CHSY3: variants seen among roughly 807,000 people sequenced by gnomAD.
CHSY3 encodes N-acetylgalactosaminyl-proteoglycan 3-beta-glucuronosyltransferase 3.
CHSY3 carries 35 observed loss-of-function variants against 67.2 expected under a neutral mutation model. That is an observed-to-expected ratio of 0.52 (90% CI 0.40 to 0.69). The LOEUF (loss-of-function observed/expected upper bound fraction) is 0.69, where lower values mean the gene tolerates loss of function less well. Ranked by LOEUF, CHSY3 falls within the 30% of genes least tolerant of loss-of-function variation. CHSY3 has a pLI of 0.00. For missense variants in CHSY3, 1,069 were observed against 1,138.5 expected (o/e 0.94, Z 0.88); for synonymous variants, 474 against 434.7 (o/e 1.09, Z -1.12).
chr5:130,178,253 A>ATTT (rs10699248), intron 2 of CHSY3, among the ~76,000 whole-genome samples: 800 of 45,928 alleles, frequency 0.017, 54 homozygotes, highest in African/African-American at 0.033. Flanking sequence ...ATATATATAT[A>ATTT]TTTTTTTTTT....
At chr5:129,934,057 A>T (rs1039360918) in intron 2 of CHSY3, among the ~76,000 whole-genome samples, 2 of 152,112 alleles carry the variant, frequency 1.3e-5, no homozygotes, top group African/African-American at 4.8e-5. Flanking sequence ...ATGATTTTAG[A>T]TTTGTGTGAA....
chr5:129,956,785 A>G (rs1021089256), intron 2 of CHSY3, among the ~76,000 whole-genome samples: 5 of 151,464 alleles, frequency 3.3e-5, no homozygotes, highest in African/African-American at 1.2e-4. Context: ...GGTTTGCAGC[A>G]TTATTTCTGG....
rs1183646627 is a variant in CHSY3 at position 129,932,140 on chromosome 5, A to ATATATATG, written c.1086+23783_1086+23784insATATGTAT. Among the ~76,000 whole-genome samples the ATATATATG allele has an allele frequency of 2.6e-3, 353 of 136,216 alleles. 10 individuals carry two copies. The highest frequency in any genetic ancestry group is 9.6e-3 in the African/African-American group (325 of 33,812). 89.4% of individuals were successfully genotyped at this position (136,216 alleles called of 152,430 possible). A position where few individuals can be genotyped will look rare whatever the true frequency, so the allele number is the denominator to read the frequency against. On this transcript the variant is annotated intron_variant, in intron 2 of 2. Coordinates refer to ENST00000305031, the MANE Select transcript of CHSY3 (RefSeq NM_175856.5). ...TATATATATATATATATATATATAT[A>ATATATATG]TATGTATATGAGAGTTAGCTATCTA...
At chr5:130,113,036 A>C (rs1011568847) in intron 2 of CHSY3, among the ~76,000 whole-genome samples, 3 of 152,060 alleles carry the variant, frequency 2.0e-5, no homozygotes, top group African/African-American at 7.2e-5. Flanking sequence ...CTTTTGTTTC[A>C]TGTAGTCTGT....
At chr5:130,008,848 A>G (rs962131358) in intron 2 of CHSY3, among the ~76,000 whole-genome samples, 1 of 152,238 alleles carries the variant, frequency 6.6e-6, no homozygotes, top group Admixed American at 6.5e-5. Flanking sequence ...AGCAGAGGTA[A>G]GGTGAGGTAA....
At chr5:130,034,200 A>C (rs907125743) in intron 2 of CHSY3, among the ~76,000 whole-genome samples, 1 of 15,262 alleles carries the variant, frequency 6.6e-5, no homozygotes, top group African/African-American at 8.6e-4. Context: ...ACAGCAGTTA[A>C]GTTTTTCTTT....
At chr5:129,977,684 TAAAAC>T (rs1014141733) in intron 2 of CHSY3, among the ~76,000 whole-genome samples, 78 of 152,152 alleles carry the variant, frequency 5.1e-4, no homozygotes, top group African/African-American at 1.7e-3. Flanking sequence ...TAGGGGAAAA[TAAAAC>T]AGTAAAAAAT....
chr5:129,904,655 C>CCCGCGGCAGTCGAGGCGT lies in CHSY3; in HGVS notation c.-167_-150dup, dbSNP rs1760161290. ...GCGGGAGCCCGGCAGGCAGCTGCAG[C>CCCGCGGCAGTCGAGGCGT]CCGCGGCAGTCGAGGCGTCCGCGGC... On this transcript the variant is annotated 5_prime_UTR_variant, in exon 1 of 3. Coordinates refer to ENST00000305031, the MANE Select transcript of CHSY3 (RefSeq NM_175856.5). 9.6e-7 allele frequency: 1 copy of CCCGCGGCAGTCGAGGCGT among 1,043,436 alleles called. No individual in the cohort carries two copies. The highest frequency in any genetic ancestry group is 4.7e-5 in the South Asian group (1 of 21,356). 64.6% of individuals were successfully genotyped at this position (1,043,436 alleles called of 1,614,324 possible). A position where few individuals can be genotyped will look rare whatever the true frequency, so the allele number is the denominator to read the frequency against.
At chr5:129,911,055 T>C (rs1176547040) in intron 2 of CHSY3, among the ~76,000 whole-genome samples, 1 of 151,678 alleles carries the variant, frequency 6.6e-6, no homozygotes, top group Non-Finnish European at 1.5e-5. Flanking sequence ...GGTGGCATGT[T>C]CATGATTTTT....
In CHSY3 at chr5:130,178,244, TA is replaced by T. The variant is rs1561571850; in HGVS notation, c.1087-5984del. ...ATTTATATTTATATATATATATATA[TA>T]TATATATATTTTTTTTTTTTTTTTT... is the stretch of plus-strand genomic sequence containing the variant. On this transcript the variant is annotated intron_variant, in intron 2 of 2. Coordinates refer to ENST00000305031, the MANE Select transcript of CHSY3 (RefSeq NM_175856.5). 3.5e-4 allele frequency among the ~76,000 whole-genome samples: 26 copies of T among 75,210 alleles called. 2 individuals carry two copies. The highest frequency in any genetic ancestry group is 1.2e-3 in the African/African-American group (21 of 17,640). 49.3% of individuals were successfully genotyped at this position (75,210 alleles called of 152,430 possible). A position where few individuals can be genotyped will look rare whatever the true frequency, so the allele number is the denominator to read the frequency against.
chr5:129,962,768 C>G (rs61353744), intron 2 of CHSY3, among the ~76,000 whole-genome samples: 35 of 152,100 alleles, frequency 2.3e-4, no homozygotes, highest in African/African-American at 8.4e-4. Flanking sequence ...TACATATTAA[C>G]TTGATGGCTG....
intron 2 of CHSY3, among the ~76,000 whole-genome samples, chr5:129,987,886 T>G (rs1763251432): frequency 6.6e-6 from 1 of 152,210 alleles, no homozygotes; most frequent in South Asian, 2.1e-4. Flanking sequence ...GGCTCTTAAG[T>G]AATTTCTTTT....
At chr5:129,936,315 A>T (rs957120776) in intron 2 of CHSY3, among the ~76,000 whole-genome samples, 2 of 152,128 alleles carry the variant, frequency 1.3e-5, no homozygotes, top group East Asian at 1.9e-4. Context: ...ATAGAAGGGA[A>T]TTTTTTTTAA....
chr5:130,181,782 A>G (rs1770257354), intron 2 of CHSY3, among the ~76,000 whole-genome samples: 1 of 152,312 alleles, frequency 6.6e-6, no homozygotes, highest in South Asian at 2.1e-4. Flanking sequence ...CATAAATGGA[A>G]TAATACAAAA....
chr5:130,142,912 A>T (rs1012141507), intron 2 of CHSY3, among the ~76,000 whole-genome samples: 2 of 152,152 alleles, frequency 1.3e-5, no homozygotes, highest in Non-Finnish European at 2.9e-5. Context: ...GGAAAGGAGG[A>T]GCGAGCCAGA....
At chr5:130,053,441 A>G (rs892901306) in intron 2 of CHSY3, among the ~76,000 whole-genome samples, 2 of 152,316 alleles carry the variant, frequency 1.3e-5, no homozygotes, top group East Asian at 1.9e-4. Context: ...GAAGGAATCT[A>G]TAGAGTAGAA....
At chr5:130,124,316 GA>G (rs1317972379) in intron 2 of CHSY3, among the ~76,000 whole-genome samples, 12 of 152,118 alleles carry the variant, frequency 7.9e-5, no homozygotes, top group African/African-American at 2.9e-4. Flanking sequence ...CTCTGCCCCT[GA>G]ATCTTCTTCA....
intron 2 of CHSY3, among the ~76,000 whole-genome samples, chr5:130,015,762 A>T (rs865964468): frequency 6.6e-6 from 1 of 152,240 alleles, no homozygotes; most frequent in Non-Finnish European, 1.5e-5. Context: ...AAATCATTCT[A>T]CTGTAAAGAT....
intron 2 of CHSY3, among the ~76,000 whole-genome samples, chr5:129,941,357 C>G (rs375552876): frequency 6.6e-6 from 1 of 152,066 alleles, no homozygotes; most frequent in East Asian, 1.9e-4. Context: ...AAATCAATAT[C>G]AAAATCATAG....
Sources: allele counts gnomAD v4.1 joint callset (sites outside exome capture counted in the v4.1 genomes callset), GRCh38; gene constraint gnomAD v4.1.1; transcripts MANE v1.5; gene names NCBI Gene and HGNC (gene_info 2026-07-23, HGNC 2026-07-21).